Variants in NCKAP5 observed in about 807,000 individuals in gnomAD.
NCKAP5 encodes the protein nck-associated protein 5.
A neutral mutation model predicts 167.0 loss-of-function variants in NCKAP5; 92 were observed. The observed-to-expected ratio is 0.55, with a 90% CI of 0.47 to 0.66. The LOEUF is 0.66. NCKAP5 is among the 30% of genes least tolerant of loss of function. NCKAP5 has a pLI of 0.00. For missense variants in NCKAP5, 2,378 were observed against 2,315.0 expected, an observed-to-expected ratio of 1.03 and a Z score of -0.56; for synonymous variants, 891 against 877.4, an observed-to-expected ratio of 1.02 and a Z score of -0.27.
intron 6 of NCKAP5, among the ~76,000 whole-genome samples, chr2:133,108,106 T>A (rs79486061): frequency 0.015 from 2,260 of 152,062 alleles, 65 homozygotes; most frequent in African/African-American, 0.049. Flanking sequence ...TTGAAGATCA[T>A]CTTAGTTTGC....
At chr2:132,834,695 C>T (rs1432991333) in intron 11 of NCKAP5, among the ~76,000 whole-genome samples, 1 of 152,092 alleles carries the variant, frequency 6.6e-6, no homozygotes, top group African/African-American at 2.4e-5. Flanking sequence ...TGCTATGTTG[C>T]CCAGGCTAGT....
rs540017051 is a variant in NCKAP5 at position 133,402,153 on chromosome 2, T to C, written c.70-99043A>G. Among the ~76,000 whole-genome samples the C allele has an allele frequency of 6.9e-4, 105 of 152,280 alleles. 1 individual carries two copies. The highest frequency in any genetic ancestry group is 1.2e-3 in the Non-Finnish European group (85 of 68,026). ...GATTATTGGTGGAAAAGAGGGAAAC[T>C]GAAAGTGCTTAAAATGCCTCAGTGC... is the stretch of plus-strand genomic sequence containing the variant. On this transcript the variant is annotated intron_variant, in intron 3 of 19. Transcript: ENST00000409261.
chr2:133,053,751 C>T (rs2079692111), intron 6 of NCKAP5, among the ~76,000 whole-genome samples: 1 of 152,144 alleles, frequency 6.6e-6, no homozygotes, highest in Non-Finnish European at 1.5e-5. Context: ...CTCTGCATAA[C>T]TTTGGTTTTA....
At chr2:133,383,729 A>G (rs1342897336) in intron 3 of NCKAP5, among the ~76,000 whole-genome samples, 4 of 152,098 alleles carry the variant, frequency 2.6e-5, no homozygotes, top group South Asian at 2.1e-4. Context: ...AGCACCTGTT[A>G]TTTCCTGACT....
intron 5 of NCKAP5, among the ~76,000 whole-genome samples, chr2:133,136,746 T>C (rs1209086045): frequency 6.6e-6 from 1 of 152,248 alleles, no homozygotes; most frequent in Non-Finnish European, 1.5e-5. Flanking sequence ...ATGATATTCC[T>C]GTATATTGAT....
At chr2:133,372,415 G>C (rs1685864623) in intron 3 of NCKAP5, among the ~76,000 whole-genome samples, 1 of 152,144 alleles carries the variant, frequency 6.6e-6, no homozygotes, top group South Asian at 2.1e-4. Flanking sequence ...GCCTGTAAGG[G>C]ACTTAATAAA....
intron 12 of NCKAP5, among the ~76,000 whole-genome samples, chr2:132,791,408 A>T (rs981551147): frequency 2.0e-5 from 3 of 152,202 alleles, no homozygotes; most frequent in African/African-American, 7.2e-5. Context: ...GTGGTTCTTC[A>T]TAAGGCAAGG....
chr2:133,177,479 A>G (rs2084521362), intron 5 of NCKAP5, among the ~76,000 whole-genome samples: 4 of 152,144 alleles, frequency 2.6e-5, no homozygotes, highest in African/African-American at 7.2e-5. Flanking sequence ...TTACCCCCTT[A>G]AACCACACAG....
At chr2:133,666,186 CTTTT>C in the NCKAP5 span, among the ~76,000 whole-genome samples, 7 of 114,120 alleles carry the variant, frequency 6.1e-5, no homozygotes, top group Admixed American at 5.0e-4. Context: ...GATCTACATC[CTTTT>C]TTTTTTTTTT....
intron 3 of NCKAP5, among the ~76,000 whole-genome samples, chr2:133,338,128 T>TG (rs1683335219): frequency 6.6e-6 from 1 of 152,220 alleles, no homozygotes; most frequent in Non-Finnish European, 1.5e-5. Context: ...GCATTTTTTT[T>TG]TTGTTGAAAT....
At chr2:132,745,971 G>C (rs1489565745) in intron 16 of NCKAP5, among the ~76,000 whole-genome samples, 3 of 151,934 alleles carry the variant, frequency 2.0e-5, no homozygotes. Flanking sequence ...TGGATCAGAA[G>C]ACTCAAAATT....
intron 3 of NCKAP5, among the ~76,000 whole-genome samples, chr2:133,324,601 AAAG>A (rs776340785): frequency 4.6e-5 from 7 of 152,234 alleles, no homozygotes; most frequent in Non-Finnish European, 8.8e-5. Context: ...TAGATGTCAC[AAAG>A]AAGGCCTGAT....
At chr2:132,832,203 T>C (rs1320346521) in intron 11 of NCKAP5, among the ~76,000 whole-genome samples, 1 of 152,166 alleles carries the variant, frequency 6.6e-6, no homozygotes, top group African/African-American at 2.4e-5. Flanking sequence ...GAATATTATC[T>C]TTAAATTATT....
At chr2:133,271,210 G>A (rs1415898290) in intron 4 of NCKAP5, among the ~76,000 whole-genome samples, 3 of 151,744 alleles carry the variant, frequency 2.0e-5, no homozygotes, top group Admixed American at 2.0e-4. Flanking sequence ...AGGATTACAG[G>A]TGTGAGCCAC....
the NCKAP5 span, among the ~76,000 whole-genome samples, chr2:133,648,825 C>A: frequency 6.7e-6 from 1 of 149,698 alleles, no homozygotes; most frequent in Non-Finnish European, 1.5e-5. Flanking sequence ...AAATAATCAT[C>A]TAACTTTTTA....
At chr2:133,379,849 G>A (rs1686395386) in intron 3 of NCKAP5, among the ~76,000 whole-genome samples, 1 of 152,164 alleles carries the variant, frequency 6.6e-6, no homozygotes, top group South Asian at 2.1e-4. Context: ...AAGATATTCT[G>A]TGAGAAGTAA....
At chr2:132,999,056 G>A (rs566686511) in intron 6 of NCKAP5, among the ~76,000 whole-genome samples, 6 of 152,108 alleles carry the variant, frequency 3.9e-5, no homozygotes, top group Middle Eastern at 3.4e-3. Context: ...AAATTCTAAC[G>A]TACATCAAGT....
chr2:132,831,715 T>C (rs1484730346), intron 11 of NCKAP5, among the ~76,000 whole-genome samples: 1 of 152,096 alleles, frequency 6.6e-6, no homozygotes, highest in Non-Finnish European at 1.5e-5. Flanking sequence ...TTTTTGTTTA[T>C]TTGGTTAATT....
intron 11 of NCKAP5, among the ~76,000 whole-genome samples, chr2:132,804,286 G>C (rs1052589063): frequency 1.4e-4 from 21 of 152,146 alleles, no homozygotes; most frequent in Non-Finnish European, 2.5e-4. Flanking sequence ...TCTAAGGGAG[G>C]AAGTGATTCA....
Sources: gnomAD v4.1 joint callset for allele counts (sites outside exome capture counted in the v4.1 genomes callset) on GRCh38, gnomAD v4.1.1 for gene constraint, MANE v1.5 for transcripts, NCBI Gene and HGNC (gene_info 2026-07-23, HGNC 2026-07-21) for gene names.